OTUD7A: variants seen among roughly 807,000 people sequenced by gnomAD.
OTUD7A encodes the protein OTU domain-containing protein 7A.
In OTUD7A, 12 loss-of-function variants were observed where a neutral mutation model predicts 65.7. The ratio of observed to expected loss-of-function variants is 0.18; its 90% CI spans 0.12 to 0.30. OTUD7A has a LOEUF of 0.30. Ranked by LOEUF, OTUD7A falls within the 10% of genes least tolerant of loss-of-function variation. OTUD7A has a pLI of 1.00. For synonymous variants in OTUD7A, 641 were observed against 586.3 expected (o/e 1.09, Z -1.35); for missense variants, 1,148 against 1,304.8 (o/e 0.88, Z 1.85).
At chr15:31,629,770 G>GA (rs1355473215) in intron 3 of OTUD7A, among the ~76,000 whole-genome samples, 6 of 152,134 alleles carry the variant, frequency 3.9e-5, no homozygotes, top group Non-Finnish European at 7.4e-5. Context: ...AAATTTCAGA[G>GA]CTCGTTATTG....
intron 1 of OTUD7A, among the ~76,000 whole-genome samples, chr15:31,702,715 A>T (rs1485958010): frequency 6.6e-6 from 1 of 151,998 alleles, no homozygotes; most frequent in Non-Finnish European, 1.5e-5. Context: ...TCCTGTCAAA[A>T]TTCAGCAAGA....
At chr15:31,702,003 ATCAG>A (rs1893223499) in intron 1 of OTUD7A, among the ~76,000 whole-genome samples, 1 of 127,796 alleles carries the variant, frequency 7.8e-6, no homozygotes, top group African/African-American at 3.0e-5. Context: ...ATCTTCAAAA[ATCAG>A]TCAATGTAAT....
At chr15:31,622,185 T>C (rs1468167084) in intron 3 of OTUD7A, among the ~76,000 whole-genome samples, 1 of 152,194 alleles carries the variant, frequency 6.6e-6, no homozygotes, top group African/African-American at 2.4e-5. Context: ...TTCTTTCTGG[T>C]TGCCCTTAAC....
chr15:31,529,861 T>C (rs757016334), intron 6 of OTUD7A, among the ~76,000 whole-genome samples: 27 of 152,000 alleles, frequency 1.8e-4, no homozygotes, highest in Non-Finnish European at 3.7e-4. Context: ...TGTGTGAGGG[T>C]TGTGTGTTTT....
intron 8 of OTUD7A, among the ~76,000 whole-genome samples, chr15:31,522,088 T>C (rs2041945511): frequency 6.6e-6 from 1 of 152,238 alleles, no homozygotes; most frequent in Non-Finnish European, 1.5e-5. Flanking sequence ...TCTGGCTTTG[T>C]GTCTTTCAGG....
intron 5 of OTUD7A, among the ~76,000 whole-genome samples, chr15:31,535,228 G>A (rs900326282): frequency 6.6e-6 from 1 of 152,146 alleles, no homozygotes; most frequent in African/African-American, 2.4e-5. Context: ...CATGGAGGCG[G>A]TTTCCCCCAT....
chr15:31,648,573 C>T (rs953461895), intron 3 of OTUD7A, among the ~76,000 whole-genome samples: 2 of 152,150 alleles, frequency 1.3e-5, no homozygotes, highest in African/African-American at 4.8e-5. Flanking sequence ...CTCCTGATCA[C>T]AAATTTGCAG....
At chr15:31,625,654 T>C (rs886496163) in intron 3 of OTUD7A, among the ~76,000 whole-genome samples, 8 of 152,218 alleles carry the variant, frequency 5.3e-5, no homozygotes, top group South Asian at 2.1e-4. Flanking sequence ...AGTTCACTCA[T>C]AGGTGTTTAC....
intron 5 of OTUD7A, among the ~76,000 whole-genome samples, chr15:31,535,281 G>GT (rs1328770501): frequency 6.6e-6 from 1 of 152,110 alleles, no homozygotes; most frequent in Non-Finnish European, 1.5e-5. Flanking sequence ...AGATCTGATG[G>GT]TTTTAAAAGT....
intron 3 of OTUD7A, among the ~76,000 whole-genome samples, chr15:31,621,374 G>A (rs1890777736): frequency 6.6e-6 from 1 of 152,134 alleles, no homozygotes; most frequent in African/African-American, 2.4e-5. Context: ...GGGTGTTAAA[G>A]TCTCCCATTA....
intron 1 of OTUD7A, among the ~76,000 whole-genome samples, chr15:31,821,873 C>T (rs1263575640): frequency 6.6e-6 from 1 of 152,210 alleles, no homozygotes; most frequent in Non-Finnish European, 1.5e-5. Flanking sequence ...ATGATGTTGA[C>T]TATCCTTTCA....
chr15:31,540,092 T>C (rs1887939728), intron 5 of OTUD7A, among the ~76,000 whole-genome samples: 2 of 152,220 alleles, frequency 1.3e-5, no homozygotes, highest in Non-Finnish European at 2.9e-5. Flanking sequence ...GCTGTTTCAA[T>C]AGATTGAGTT....
At chr15:31,792,830 G>C (rs1009954811) in intron 1 of OTUD7A, among the ~76,000 whole-genome samples, 2 of 152,320 alleles carry the variant, frequency 1.3e-5, no homozygotes, top group Middle Eastern at 3.4e-3. Flanking sequence ...GCTGGGTTGA[G>C]GGGCTGTCCT....
chr15:31,559,628 A>G (rs1387998388), intron 4 of OTUD7A, among the ~76,000 whole-genome samples: 1 of 151,332 alleles, frequency 6.6e-6, no homozygotes, highest in Non-Finnish European at 1.5e-5. Context: ...GCATACACAT[A>G]CATGCATGCA....
At chr15:31,563,368 G>A (rs1888757080) in intron 4 of OTUD7A, among the ~76,000 whole-genome samples, 1 of 152,260 alleles carries the variant, frequency 6.6e-6, no homozygotes. Flanking sequence ...TTCCTCTGGA[G>A]TCAGGTCTAA....
intron 3 of OTUD7A, among the ~76,000 whole-genome samples, chr15:31,643,262 G>A (rs1438249922): frequency 6.6e-6 from 1 of 152,166 alleles, no homozygotes; most frequent in African/African-American, 2.4e-5. Context: ...TGGGATTGCG[G>A]GCATGCACCA....
At chr15:31,711,578 A>G (rs1486086668) in intron 1 of OTUD7A, among the ~76,000 whole-genome samples, 6 of 149,300 alleles carry the variant, frequency 4.0e-5, no homozygotes, top group African/African-American at 1.3e-4. Context: ...TAATACCTAC[A>G]GAGTTTTTGG....
rs558044535 is a variant in OTUD7A, at chr15:31,532,568, G to A, written c.551-1760C>T. Among the ~76,000 whole-genome samples the A allele has an allele frequency of 3.9e-5, 6 of 152,058 alleles. No homozygotes were observed. The South Asian group carries it at 8.3e-4, about 21-fold the overall frequency. ...AACACATATACAGAACACAACTCAGGAACATGTGGGACTGCGACAAAAGTC... is the reference window on the plus strand; with the variant it reads ...AACACATATACAGAACACAACTCAGAAACATGTGGGACTGCGACAAAAGTC... On this transcript the variant is annotated intron_variant, in intron 5 of 12. Transcript: ENST00000307050.
intron 10 of OTUD7A, among the ~76,000 whole-genome samples, chr15:31,490,477 T>C (rs1028800169): frequency 1.4e-4 from 22 of 152,198 alleles, no homozygotes; most frequent in African/African-American, 4.8e-4. Flanking sequence ...CCAGTCAAAC[T>C]GCAAATTCAC....
Sources: allele counts gnomAD v4.1 joint callset (sites outside exome capture counted in the v4.1 genomes callset), GRCh38; gene constraint gnomAD v4.1.1; transcripts MANE v1.5; gene names NCBI Gene and HGNC (gene_info 2026-07-23, HGNC 2026-07-21).